Variants in CHKA observed in about 807,000 individuals in gnomAD.
CHKA encodes choline kinase alpha.
CHKA carries 34 observed loss-of-function variants against 60.1 expected under a neutral mutation model. The ratio of observed to expected loss-of-function variants is 0.57; its 90% CI spans 0.43 to 0.75. The LOEUF (loss-of-function observed/expected upper bound fraction) is 0.75. CHKA is among the 30% of genes least tolerant of loss of function. CHKA has a pLI of 0.00. For missense variants in CHKA, 563 were observed against 561.3 expected (o/e 1.00, Z -0.03); for synonymous variants, 217 against 223.1 (o/e 0.97, Z 0.24).
At chr11:68,106,747 T>C (rs1168275611) in intron 1 of CHKA, among the ~76,000 whole-genome samples, 1 of 152,164 alleles carries the variant, frequency 6.6e-6, no homozygotes, top group Non-Finnish European at 1.5e-5. Flanking sequence ...AAGCAAAGGT[T>C]AATGTTTAAG....
chr11:68,112,279 G>C (rs1858180653), intron 1 of CHKA, among the ~76,000 whole-genome samples: 2 of 64,086 alleles, frequency 3.1e-5, no homozygotes, highest in South Asian at 1.2e-3. Flanking sequence ...TTTTGAGACG[G>C]AGTCTCACTC....
At chr11:68,112,758 CAAG>C (rs1203238542) in intron 1 of CHKA, among the ~76,000 whole-genome samples, 1 of 152,130 alleles carries the variant, frequency 6.6e-6, no homozygotes. Context: ...TCTTAAAACT[CAAG>C]AATAGGAAAA....
intron 2 of CHKA, among the ~76,000 whole-genome samples, chr11:68,093,265 G>GT (rs2134644322): frequency 6.6e-6 from 1 of 152,252 alleles, no homozygotes; most frequent in African/African-American, 2.4e-5. Flanking sequence ...CTCCCAAAGT[G>GT]TTGGAATTAC....
At chr11:68,073,725 G>C (rs1284960168) in intron 4 of CHKA, among the ~76,000 whole-genome samples, 8 of 152,176 alleles carry the variant, frequency 5.3e-5, no homozygotes, top group Non-Finnish European at 8.8e-5. Flanking sequence ...CTGGTCCCCA[G>C]CCAGACGCAG....
chr11:68,063,261 G>A (rs1254649583), intron 10 of CHKA, among the ~76,000 whole-genome samples: 1 of 152,060 alleles, frequency 6.6e-6, no homozygotes, highest in Non-Finnish European at 1.5e-5. Context: ...CACTTTGGGG[G>A]GCCAAGGCAG....
chr11:68,119,380 A>G (rs1213209005), intron 1 of CHKA, among the ~76,000 whole-genome samples: 1 of 152,208 alleles, frequency 6.6e-6, no homozygotes, highest in Admixed American at 6.5e-5. Context: ...GGACTTGGGG[A>G]TTACTGGTGG....
chr11:68,096,348 T>C (rs1351324757), intron 2 of CHKA, among the ~76,000 whole-genome samples: 1 of 151,856 alleles, frequency 6.6e-6, no homozygotes, highest in Non-Finnish European at 1.5e-5. Context: ...GCAACAAGAG[T>C]GAAACTCCAT....
At chr11:68,062,824 G>A (rs956021290) in intron 10 of CHKA, among the ~76,000 whole-genome samples, 7 of 152,108 alleles carry the variant, frequency 4.6e-5, no homozygotes, top group Non-Finnish European at 1.0e-4. Flanking sequence ...TGTATGCTGC[G>A]GTGAAGCCCA....
At chr11:68,054,940 TCTCA>T (rs1245522276) in intron 11 of CHKA, among the ~76,000 whole-genome samples, 2 of 152,242 alleles carry the variant, frequency 1.3e-5, no homozygotes, top group African/African-American at 2.4e-5. Flanking sequence ...GTGTCTGGCT[TCTCA>T]CTCAGCGTGC....
intron 1 of CHKA, among the ~76,000 whole-genome samples, chr11:68,114,747 C>T (rs1858322710): frequency 6.7e-6 from 1 of 148,898 alleles, no homozygotes. Flanking sequence ...CCCAGGGAAA[C>T]TCAGTGCATA....
intron 2 of CHKA, among the ~76,000 whole-genome samples, chr11:68,088,096 G>A (rs1857239306): frequency 8.4e-6 from 1 of 118,716 alleles, no homozygotes; most frequent in African/African-American, 3.2e-5. Flanking sequence ...TTGGGCGACA[G>A]TGGGAGGCTG....
In CHKA at chr11:68,121,146, G is replaced by T; in HGVS notation, c.32C>A (p.Ala11Glu). Residue 11 changes from alanine (A) to glutamate (E), a missense_variant, in exon 1 of 12, where the codon GCG becomes GAG. Ala to Glu is a moderately radical substitution (Grantham distance 107). Coordinates refer to ENST00000265689, the MANE Select transcript of CHKA (RefSeq NM_001277.3). ...CAGCAGCCCGAGCGGCGAGGGCTCC[G>T]CCTCGCCCCCGGTGCAGAATTTGGT... is the stretch of plus-strand genomic sequence containing the variant. MKTKFCTGGEAEPSPLGLLLS... is the reference protein window; with the variant it reads MKTKFCTGGEEEPSPLGLLLS... 8.3e-7 allele frequency: 1 copy of T among 1,209,188 alleles called. No individual in the cohort carries two copies. Among genetic ancestry groups the T allele is most frequent in the Non-Finnish European group, 1.0e-6 (1 of 965,722 alleles). 74.9% of individuals were successfully genotyped at this position (1,209,188 alleles called of 1,614,324 possible).
intron 7 of CHKA, 146 bp from the exon 8 acceptor site, chr11:68,066,662 C>T (rs1336228807): frequency 1.5e-6 from 1 of 680,826 alleles, no homozygotes; most frequent in Non-Finnish European, 2.6e-6. Flanking sequence ...AGGGCCTAGA[C>T]AGAGCGTAGA....
At chr11:68,064,877 T>C (rs1026417316) in intron 9 of CHKA, among the ~76,000 whole-genome samples, 3 of 152,192 alleles carry the variant, frequency 2.0e-5, no homozygotes, top group African/African-American at 7.2e-5. Context: ...TTTTTCCATT[T>C]AGAGTAGCAC....
At chr11:68,060,630 G>C (rs576164484) in intron 11 of CHKA, among the ~76,000 whole-genome samples, 1 of 152,126 alleles carries the variant, frequency 6.6e-6, no homozygotes, top group Non-Finnish European at 1.5e-5. Context: ...AACTTTAATC[G>C]TGAATCTGCC....
At position 68,070,840 on chromosome 11, in the gene CHKA, A is replaced by C; in HGVS notation, c.648T>G (p.Thr216=). ...EQFIPSRRLD[T]EELSLPDISA... is the part of the protein sequence containing the mutation. ...AAATATCTGGCAAACTTAATTCTTC[A>C]GTATCTAATCGCCGGCTCTGAAAAA... The change falls in exon 5 of 12, where the codon ACT becomes ACG. Residue 216 remains threonine (T), a synonymous_variant. Coordinates refer to ENST00000265689, the MANE Select transcript of CHKA (RefSeq NM_001277.3). The C allele has an allele frequency of 6.2e-7, 1 of 1,611,750 alleles. No homozygotes were observed. The highest frequency in any genetic ancestry group is 8.5e-7 in the Non-Finnish European group (1 of 1,178,238).
At chr11:68,063,002 A>G (rs2134506089) in intron 10 of CHKA, among the ~76,000 whole-genome samples, 1 of 152,334 alleles carries the variant, frequency 6.6e-6, no homozygotes, top group Middle Eastern at 3.4e-3. Flanking sequence ...AACAACCCAC[A>G]GGCCTCTTGA....
chr11:68,055,871 C>G (rs1855996972), intron 11 of CHKA, among the ~76,000 whole-genome samples: 1 of 151,280 alleles, frequency 6.6e-6, no homozygotes, highest in Admixed American at 6.6e-5. Context: ...ACAAAGAAAC[C>G]CCGTCTCTAC....
intron 11 of CHKA, chr11:68,061,566 C>A: frequency 2.9e-6 from 1 of 340,760 alleles, no homozygotes; most frequent in South Asian, 2.2e-5. Flanking sequence ...CCTTCCACAG[C>A]ACAGGCAGGA....
Sources: gnomAD v4.1 joint callset for allele counts (sites outside exome capture counted in the v4.1 genomes callset) on GRCh38, gnomAD v4.1.1 for gene constraint, MANE v1.5 for transcripts, NCBI Gene and HGNC (gene_info 2026-07-23, HGNC 2026-07-21) for gene names.